Variants in GRK5 observed in about 807,000 individuals in gnomAD.
GRK5 encodes G protein-coupled receptor kinase 5, also known as g protein-coupled receptor kinase GRK5.
A neutral mutation model predicts 78.4 loss-of-function variants in GRK5; 40 were observed. The observed-to-expected ratio is 0.51, with a 90% CI of 0.40 to 0.66. The LOEUF (loss-of-function observed/expected upper bound fraction) is 0.66, where lower values mean the gene tolerates loss of function less well. GRK5 is among the 30% of genes least tolerant of loss of function. The probability of loss-of-function intolerance (pLI) is 0.00; values close to 1 mark genes in which losing one functional copy is unlikely to be tolerated. For synonymous variants in GRK5, 289 were observed against 296.8 expected (o/e 0.97, Z 0.27); for missense variants, 598 against 759.9 (o/e 0.79, Z 2.50).
chr10:119,423,186 A>G lies in GRK5; in HGVS notation c.360A>G (p.Gln120=). 6.2e-7 allele frequency: 1 copy of G among 1,613,754 alleles called. No individual in the cohort carries two copies. Among genetic ancestry groups the G allele is most frequent in the Non-Finnish European group, 8.5e-7 (1 of 1,179,654 alleles). Residue 120 remains glutamine, a synonymous_variant, in exon 5 of 16, where the codon CAA becomes CAG. Transcript: ENST00000392870. ...LTPKSPVFIA[Q]VGQDLVSQTE... The stretch of plus-strand genomic sequence containing the variant: ...TCCAGTCCCCTGTTTTCATAGCCCA[A>G]GTTGGCCAAGACCTGGTCTCCCAGA...
At chr10:119,420,532 C>T (rs1016851758) in intron 4 of GRK5, among the ~76,000 whole-genome samples, 6 of 151,588 alleles carry the variant, frequency 4.0e-5, no homozygotes, top group African/African-American at 1.5e-4. Context: ...GTCAAAACCA[C>T]ACTAGCTCCA....
chr10:119,424,113 A>G (rs1852625620), intron 5 of GRK5, among the ~76,000 whole-genome samples: 1 of 152,184 alleles, frequency 6.6e-6, no homozygotes, highest in Non-Finnish European at 1.5e-5. Context: ...CCTGGTGGGC[A>G]GAGCAAGCTT....
chr10:119,353,896 G>T (rs190747711), intron 2 of GRK5, among the ~76,000 whole-genome samples: 3 of 150,562 alleles, frequency 2.0e-5, no homozygotes, highest in Admixed American at 2.0e-4. Flanking sequence ...AAACAAAATG[G>T]CAGCCACCCC....
chr10:119,376,983 C>T lies in GRK5; in HGVS notation c.149-3832C>T, dbSNP rs192141142. 8.0e-4 allele frequency among the ~76,000 whole-genome samples: 121 copies of T among 152,190 alleles called. 1 individual carries two copies. The highest frequency in any genetic ancestry group is 2.6e-3 in the African/African-American group (109 of 41,514). ...AGAAGAGCAAGTGCGCATGCGCGTG[C>T]GTGTGTGTATGTGCGTGCGTGTGTG... On this transcript the variant is annotated intron_variant, in intron 2 of 15. Transcript: ENST00000392870.
intron 1 of GRK5, among the ~76,000 whole-genome samples, chr10:119,291,881 C>T (rs956034762): frequency 6.6e-6 from 1 of 150,758 alleles, no homozygotes. Flanking sequence ...TCATCCTCCT[C>T]CTCCTTCTGC....
intron 2 of GRK5, among the ~76,000 whole-genome samples, chr10:119,370,854 C>T (rs1407549104): frequency 1.3e-5 from 2 of 151,930 alleles, no homozygotes; most frequent in Admixed American, 6.6e-5. Context: ...CCCTTCTCTG[C>T]CACAGCCCCC....
At chr10:119,306,770 TG>T (rs887468686) in intron 1 of GRK5, among the ~76,000 whole-genome samples, 4 of 152,110 alleles carry the variant, frequency 2.6e-5, no homozygotes, top group African/African-American at 4.8e-5. Flanking sequence ...GACATTCTGC[TG>T]GGGAGCACTT....
chr10:119,371,590 A>G (rs1851548794), intron 2 of GRK5, among the ~76,000 whole-genome samples: 1 of 152,050 alleles, frequency 6.6e-6, no homozygotes, highest in African/African-American at 2.4e-5. Context: ...TCCGAGAAGG[A>G]GCCTTGAAGG....
chr10:119,268,755 G>A (rs1243338536), intron 1 of GRK5, among the ~76,000 whole-genome samples: 1 of 152,216 alleles, frequency 6.6e-6, no homozygotes. Flanking sequence ...GGACACTGAG[G>A]AAAGGCTGAG....
At chr10:119,360,135 C>G (rs888591227) in intron 2 of GRK5, among the ~76,000 whole-genome samples, 1 of 146,734 alleles carries the variant, frequency 6.8e-6, no homozygotes. Flanking sequence ...GGGAGGGAGG[C>G]TGAAGAGTCT....
intron 1 of GRK5, among the ~76,000 whole-genome samples, chr10:119,282,443 G>C (rs894683757): frequency 6.6e-6 from 1 of 152,198 alleles, no homozygotes; most frequent in African/African-American, 2.4e-5. Context: ...TCACCAGGCT[G>C]TCTTGTAACA....
At chr10:119,294,935 A>G (rs1182392773) in intron 1 of GRK5, among the ~76,000 whole-genome samples, 1 of 152,128 alleles carries the variant, frequency 6.6e-6, no homozygotes, top group African/African-American at 2.4e-5. Flanking sequence ...TCAGGCCTGT[A>G]ATCCCAGCAC....
intron 3 of GRK5, among the ~76,000 whole-genome samples, chr10:119,381,371 G>A (rs546505178): frequency 1.3e-5 from 2 of 152,346 alleles, no homozygotes; most frequent in South Asian, 4.1e-4. Flanking sequence ...CTGAGGGCAG[G>A]ACCCTGGGCT....
At chr10:119,351,674 A>G (rs1026394938) in intron 2 of GRK5, among the ~76,000 whole-genome samples, 2 of 152,192 alleles carry the variant, frequency 1.3e-5, no homozygotes, top group East Asian at 3.9e-4. Flanking sequence ...GGTAAAAACC[A>G]TGACAGCAGC....
In GRK5 at chr10:119,425,268, T is replaced by C. The variant is rs868770561; in HGVS notation, c.533+183T>C. 1.7e-3 allele frequency among the ~76,000 whole-genome samples: 221 copies of C among 126,704 alleles called. 3 individuals are homozygous for C. In the South Asian group the frequency reaches 0.046, roughly 26 times the overall value. 83.1% of individuals were successfully genotyped at this position (126,704 alleles called of 152,430 possible). The stretch of plus-strand genomic sequence containing the variant: ...GTATGCTTATTCAAGCACACACACA[T>C]ACACACACACACACACACACACACA... On this transcript the variant is annotated intron_variant, in intron 6 of 15. Transcript: ENST00000392870.
intron 1 of GRK5, among the ~76,000 whole-genome samples, chr10:119,314,217 C>T (rs1261091582): frequency 4.6e-5 from 7 of 152,222 alleles, no homozygotes; most frequent in African/African-American, 1.4e-4. Context: ...CCTGACTGAG[C>T]GGCAGGCGGC....
chr10:119,336,345 T>A lies in GRK5; in HGVS notation c.148+9734T>A, dbSNP rs1188876636. 6.6e-6 allele frequency among the ~76,000 whole-genome samples: 1 copy of A among 152,100 alleles called. No homozygotes were observed. Among genetic ancestry groups the A allele is most frequent in the Admixed American group, 6.6e-5 (1 of 15,266 alleles). ...CCCAGTGTGTTTCCTTGAAAGGACG[T>A]GTGTCATCTAGAAGCCTGCAGCCCC... On this transcript the variant is annotated intron_variant, in intron 2 of 15. Transcript: ENST00000392870. The surrounding 1 kb of genome is among the most constrained non-coding windows in gnomAD (Gnocchi z 4.5).
chr10:119,243,366 A>C (rs1342434256), intron 1 of GRK5, among the ~76,000 whole-genome samples: 2 of 152,222 alleles, frequency 1.3e-5, no homozygotes, highest in Non-Finnish European at 2.9e-5. Context: ...TAGAATCATG[A>C]AAAATAATAT....
chr10:119,242,127 G>C (rs1056819059), intron 1 of GRK5, among the ~76,000 whole-genome samples: 1 of 152,164 alleles, frequency 6.6e-6, no homozygotes, highest in Admixed American at 6.5e-5. Flanking sequence ...GAAGGGCAGA[G>C]AGCTAATTGC....
Sources: gnomAD v4.1 joint callset for allele counts (sites outside exome capture counted in the v4.1 genomes callset) on GRCh38, gnomAD v4.1.1 for gene constraint, Gnocchi (gnomAD v3.1) non-coding constraint, MANE v1.5 for transcripts, NCBI Gene and HGNC (gene_info 2026-07-23, HGNC 2026-07-21) for gene names.